The following CTNNA2 variants were observed in gnomAD, a reference collection of about 807,000 sequenced individuals.
The protein encoded by CTNNA2 is catenin alpha-2.
In CTNNA2, 42 loss-of-function variants were observed where a neutral mutation model predicts 101.0. That is an observed-to-expected ratio of 0.42 (90% confidence interval 0.32 to 0.54). The LOEUF is 0.54. CTNNA2 is among the 20% of genes least tolerant of loss of function. The pLI, the probability that CTNNA2 is intolerant of heterozygous loss-of-function variation, is 0.14. For missense variants in CTNNA2, 871 were observed against 1,223.1 expected, an observed-to-expected ratio of 0.71 and a Z score of 4.29; for synonymous variants, 450 against 456.4, an observed-to-expected ratio of 0.99 and a Z score of 0.18.
At chr2:79,657,330 T>C (rs1681683766) in intron 2 of CTNNA2, among the ~76,000 whole-genome samples, 1 of 151,760 alleles carries the variant, frequency 6.6e-6, no homozygotes, top group African/African-American at 2.4e-5. Flanking sequence ...TGATGAAGCA[T>C]GAACATCTAA....
At chr2:79,440,116 G>A (rs1016468406) in intron 4 of CTNNA2, among the ~76,000 whole-genome samples, 22 of 152,028 alleles carry the variant, frequency 1.4e-4, no homozygotes, top group African/African-American at 4.6e-4. Flanking sequence ...TGTTTATTAT[G>A]TTTCTAAAGG....
At chr2:79,198,246 T>C (rs574681312) in intron 2 of CTNNA2, among the ~76,000 whole-genome samples, 1 of 152,222 alleles carries the variant, frequency 6.6e-6, no homozygotes, top group Non-Finnish European at 1.5e-5. Context: ...TTTTTAACCA[T>C]GATAACCTAA....
chr2:80,375,582 T>TTTTTTA, intron 7 of CTNNA2, among the ~76,000 whole-genome samples: 1 of 145,106 alleles, frequency 6.9e-6, no homozygotes, highest in African/African-American at 2.6e-5. Context: ...TTTTTTTTTT[T>TTTTTTA]GAGATGGAGT....
chr2:79,622,219 A>C (rs181080198), intron 1 of CTNNA2, among the ~76,000 whole-genome samples: 3 of 152,360 alleles, frequency 2.0e-5, no homozygotes, highest in Non-Finnish European at 4.4e-5. Flanking sequence ...CTCAGTCTTT[A>C]AGAAATGATG....
At chr2:80,620,881 C>T (rs1051283522) in intron 18 of CTNNA2, among the ~76,000 whole-genome samples, 11 of 151,978 alleles carry the variant, frequency 7.2e-5, no homozygotes, top group Admixed American at 5.9e-4. Flanking sequence ...TTGTGTTGTG[C>T]GCTTGTGCAA....
intron 4 of CTNNA2, among the ~76,000 whole-genome samples, chr2:79,416,525 G>T (rs1409107381): frequency 6.6e-6 from 1 of 151,712 alleles, no homozygotes. Flanking sequence ...TAAAGCATTG[G>T]GCAAAACCCC....
chr2:80,534,223 T>A lies in CTNNA2; in HGVS notation c.1291-10759T>A, dbSNP rs982218144. Among the ~76,000 whole-genome samples the A allele has an allele frequency of 1.7e-4, 26 of 152,280 alleles. 1 individual carries two copies. Among genetic ancestry groups the A allele is most frequent in the Admixed American group, 1.6e-3 (24 of 15,294 alleles). On this transcript the variant is annotated intron_variant, in intron 9 of 18. Transcript: ENST00000402739. Reference sequence around the variant, plus strand: ...AAATGCAGATTTGTGTTTTTATAGATGTATAACTGTAGTCAAGGGTACAAT... The same window carrying A: ...AAATGCAGATTTGTGTTTTTATAGAAGTATAACTGTAGTCAAGGGTACAAT...
At chr2:80,374,859 C>T (rs1273634768) in intron 7 of CTNNA2, among the ~76,000 whole-genome samples, 1 of 152,062 alleles carries the variant, frequency 6.6e-6, no homozygotes, top group Non-Finnish European at 1.5e-5. Flanking sequence ...GGGTTTAGCA[C>T]TCCACAATGT....
chr2:80,097,608 C>G (rs1156257308), intron 7 of CTNNA2, among the ~76,000 whole-genome samples: 1 of 152,198 alleles, frequency 6.6e-6, no homozygotes, highest in African/African-American at 2.4e-5. Flanking sequence ...TGTTTTCCAA[C>G]TTGGTTCCAT....
chr2:79,866,976 C>T (rs1682155587), intron 4 of CTNNA2, among the ~76,000 whole-genome samples: 1 of 152,116 alleles, frequency 6.6e-6, no homozygotes, highest in Admixed American at 6.5e-5. Flanking sequence ...AAATCCAGAC[C>T]AATCTGACCT....
rs199637514 is a variant in CTNNA2 at position 80,357,229 on chromosome 2, A to ATT, written c.1057-35973_1057-35972dup. On this transcript the variant is annotated intron_variant, in intron 7 of 18. Transcript: ENST00000402739. ...CTTGCCAGGAGGCATTCAAAATAGC[A>ATT]TTTTTTTTTTGTTTTTTTTTTGTTT... is the stretch of plus-strand genomic sequence containing the variant. 2.2e-4 allele frequency among the ~76,000 whole-genome samples: 28 copies of ATT among 130,208 alleles called. 1 individual carries two copies. The highest frequency in any genetic ancestry group is 7.4e-4 in the African/African-American group (26 of 34,914). 85.4% of individuals were successfully genotyped at this position (130,208 alleles called of 152,430 possible).
At chr2:80,373,035 C>T (rs1250909539) in intron 7 of CTNNA2, among the ~76,000 whole-genome samples, 1 of 152,194 alleles carries the variant, frequency 6.6e-6, no homozygotes, top group African/African-American at 2.4e-5. Flanking sequence ...TAGACGGTAA[C>T]TCCATGCAGA....
intron 7 of CTNNA2, among the ~76,000 whole-genome samples, chr2:80,106,372 A>G (rs1700891037): frequency 6.6e-6 from 1 of 152,182 alleles, no homozygotes; most frequent in Non-Finnish European, 1.5e-5. Flanking sequence ...GTGCAACGTT[A>G]CAAGTGGATA....
intron 6 of CTNNA2, among the ~76,000 whole-genome samples, chr2:79,885,377 C>T (rs1302658599): frequency 2.0e-5 from 3 of 152,176 alleles, no homozygotes; most frequent in Non-Finnish European, 4.4e-5. Context: ...ACAGATACTG[C>T]TGTGTAAGCT....
intron 3 of CTNNA2, among the ~76,000 whole-genome samples, chr2:79,749,852 G>C (rs1671892619): frequency 6.6e-6 from 1 of 152,196 alleles, no homozygotes; most frequent in African/African-American, 2.4e-5. Flanking sequence ...ATAGATGTCA[G>C]AGTAGATTTA....
At chr2:79,467,341 G>A (rs1442352004) in intron 4 of CTNNA2, among the ~76,000 whole-genome samples, 7 of 152,188 alleles carry the variant, frequency 4.6e-5, no homozygotes, top group Non-Finnish European at 7.3e-5. Flanking sequence ...AGAGAAAAAA[G>A]AAAGAAACAA....
chr2:79,283,004 G>A lies in CTNNA2; in HGVS notation c.-405-29705G>A, dbSNP rs1225337871. ...GGTTTTGATTTGCATTTCTCTGATG[G>A]CCAGTGATGATGAGCATTTTTTCAT... On this transcript the variant is annotated intron_variant, in intron 2 of 21. Transcript: ENST00000466387. 2.5e-4 allele frequency among the ~76,000 whole-genome samples: 22 copies of A among 88,082 alleles called. 1 individual carries two copies. Among genetic ancestry groups the A allele is most frequent in the African/African-American group, 6.3e-4 (20 of 31,832 alleles). The allele number at this position is 88,082 out of a possible 152,430, so 57.8% of individuals were successfully genotyped here. A position where few individuals can be genotyped will look rare whatever the true frequency, so the allele number is the denominator to read the frequency against.
intron 7 of CTNNA2, among the ~76,000 whole-genome samples, chr2:80,022,377 T>G (rs1455445754): frequency 6.6e-6 from 1 of 152,182 alleles, no homozygotes; most frequent in Non-Finnish European, 1.5e-5. Flanking sequence ...TTTCTAATTC[T>G]AGCAAGTATT....
intron 7 of CTNNA2, among the ~76,000 whole-genome samples, chr2:80,039,039 G>A (rs1216464745): frequency 6.6e-6 from 1 of 152,094 alleles, no homozygotes; most frequent in Non-Finnish European, 1.5e-5. Flanking sequence ...GATAATGCAG[G>A]GAGTGGAGGT....
Sources: gnomAD v4.1 joint callset for allele counts (sites outside exome capture counted in the v4.1 genomes callset) on GRCh38, gnomAD v4.1.1 for gene constraint, MANE v1.5 for transcripts, NCBI Gene and HGNC (gene_info 2026-07-23, HGNC 2026-07-21) for gene names.